The following IGF2BP2 variants were observed in gnomAD, a reference collection of about 807,000 sequenced individuals.
The protein encoded by IGF2BP2 is insulin-like growth factor 2 mRNA-binding protein 2.
Under a neutral mutation model 75.8 loss-of-function variants are expected in IGF2BP2, and 17 were observed. That is an observed-to-expected ratio of 0.22 (90% CI 0.15 to 0.34). IGF2BP2 has a LOEUF of 0.34. Among genes scored for constraint, IGF2BP2 ranks in the 10% least tolerant of loss-of-function variants. The probability of loss-of-function intolerance (pLI) is 1.00; values close to 1 mark genes in which losing one functional copy is unlikely to be tolerated. For missense variants in IGF2BP2, 516 were observed against 772.4 expected (o/e 0.67, Z 3.93); for synonymous variants, 288 against 295.6 (o/e 0.97, Z 0.26).
chr3:185,709,158 TG>T (rs1408757354), intron 2 of IGF2BP2, among the ~76,000 whole-genome samples: 1 of 152,246 alleles, frequency 6.6e-6, no homozygotes, highest in Admixed American at 6.5e-5. Flanking sequence ...AGTATATAAA[TG>T]TTTGCTTTGT....
chr3:185,659,669 C>T (rs1171924165), intron 10 of IGF2BP2, among the ~76,000 whole-genome samples: 1 of 151,994 alleles, frequency 6.6e-6, no homozygotes, highest in Non-Finnish European at 1.5e-5. Context: ...AGCCACTGCA[C>T]CCTGCCAAGT....
chr3:185,657,415 G>C lies in IGF2BP2; in HGVS notation c.1270-13C>G. The C allele has an allele frequency of 6.3e-7, 1 of 1,589,854 alleles. No homozygotes were observed. Among genetic ancestry groups the C allele is most frequent in the Non-Finnish European group, 8.6e-7 (1 of 1,159,364 alleles). Reference sequence around the variant, plus strand: ...CCTGCTCTGGATACTGGGAGGGCGAGACAAGAAAGAAGACATCATTCCAAC... The same window carrying C: ...CCTGCTCTGGATACTGGGAGGGCGACACAAGAAAGAAGACATCATTCCAAC... On this transcript the variant is annotated splice_polypyrimidine_tract_variant and intron_variant, in intron 11 of 15. Coordinates refer to ENST00000382199, the MANE Select transcript of IGF2BP2 (RefSeq NM_006548.6).
intron 9 of IGF2BP2, among the ~76,000 whole-genome samples, chr3:185,674,081 G>C (rs754964845): frequency 6.6e-6 from 1 of 152,192 alleles, no homozygotes; most frequent in Non-Finnish European, 1.5e-5. Context: ...GTGGGGGTCG[G>C]GGTGAGATGG....
intron 2 of IGF2BP2, among the ~76,000 whole-genome samples, chr3:185,708,867 G>T (rs1257910344): frequency 6.6e-6 from 1 of 152,204 alleles, no homozygotes; most frequent in Non-Finnish European, 1.5e-5. Flanking sequence ...AGGCTGAGTT[G>T]TTATGAGCCA....
rs1183649557 is a variant in IGF2BP2 at position 185,692,759 on chromosome 3, T to C, written c.344A>G (p.Asn115Ser). 8 of 1,613,910 alleles carry C rather than the reference T, an allele frequency of 5.0e-6. No individual in the cohort carries two copies. Among genetic ancestry groups the C allele is most frequent in the South Asian group, 3.3e-5 (3 of 91,038 alleles). The change falls in exon 5 of 16, where the codon AAC becomes AGC. Residue 115 changes from asparagine (N) to serine (S), a missense_variant. By Grantham distance (46) the Asn-to-Ser change is conservative (BLOSUM62 1). This residue lies in a region of IGF2BP2 where 312 missense variants were observed against 474.5 expected (regional missense o/e 0.66). Coordinates refer to ENST00000382199, the MANE Select transcript of IGF2BP2 (RefSeq NM_006548.6). Reference protein sequence around the residue: ...YGTVENVEQVNTDTETAVVNV... With the variant: ...YGTVENVEQVSTDTETAVVNV... ...GACAACGGCGGTTTCTGTGTCTGTGTTGACTAGGGAAAAGGCAAAAACTAC... is the reference window on the plus strand; with the variant it reads ...GACAACGGCGGTTTCTGTGTCTGTGCTGACTAGGGAAAAGGCAAAAACTAC...
chr3:185,786,120 C>T (rs1395109733), intron 2 of IGF2BP2, among the ~76,000 whole-genome samples: 3 of 151,878 alleles, frequency 2.0e-5, no homozygotes, highest in Admixed American at 1.3e-4. Flanking sequence ...CCACCCACTA[C>T]CCCCGCCAAG....
chr3:185,701,447 T>G (rs1007219120), intron 2 of IGF2BP2, among the ~76,000 whole-genome samples: 1 of 152,102 alleles, frequency 6.6e-6, no homozygotes, highest in East Asian at 1.9e-4. Context: ...CTAGGTATTC[T>G]TGAAATCTTA....
chr3:185,737,300 T>G (rs1728983786), intron 2 of IGF2BP2, among the ~76,000 whole-genome samples: 1 of 152,300 alleles, frequency 6.6e-6, no homozygotes, highest in South Asian at 2.1e-4. Context: ...ATGTACACCC[T>G]CCCTTAATAA....
At chr3:185,805,841 G>A (rs1270900965) in intron 2 of IGF2BP2, among the ~76,000 whole-genome samples, 2 of 149,118 alleles carry the variant, frequency 1.3e-5, no homozygotes, top group African/African-American at 2.5e-5. Flanking sequence ...GCGTGATCTC[G>A]GCTCACTGCA....
intron 2 of IGF2BP2, among the ~76,000 whole-genome samples, chr3:185,747,365 A>C (rs1282597761): frequency 6.6e-6 from 1 of 152,134 alleles, no homozygotes; most frequent in Non-Finnish European, 1.5e-5. Context: ...TAGGGTCTAG[A>C]TGGTCTGTTA....
At chr3:185,722,826 CATAT>C (rs1007342355) in intron 2 of IGF2BP2, among the ~76,000 whole-genome samples, 1 of 152,078 alleles carries the variant, frequency 6.6e-6, no homozygotes, top group Non-Finnish European at 1.5e-5. Flanking sequence ...ACACAGTACA[CATAT>C]ATATGTGCTA....
At chr3:185,672,320 A>G (rs914820138) in intron 10 of IGF2BP2, among the ~76,000 whole-genome samples, 3 of 152,198 alleles carry the variant, frequency 2.0e-5, no homozygotes, top group African/African-American at 7.2e-5. Flanking sequence ...TAGTTATGAC[A>G]TACTATATTT....
At chr3:185,740,004 C>CA (rs1356731706) in intron 2 of IGF2BP2, among the ~76,000 whole-genome samples, 1 of 151,756 alleles carries the variant, frequency 6.6e-6, no homozygotes, top group African/African-American at 2.4e-5. Flanking sequence ...TACAGGCGTA[C>CA]ACCACCATAC....
At chr3:185,786,074 C>G (rs974977436) in intron 2 of IGF2BP2, among the ~76,000 whole-genome samples, 1 of 140,700 alleles carries the variant, frequency 7.1e-6, no homozygotes, top group Non-Finnish European at 1.5e-5. Context: ...CCCTAATGAG[C>G]TAATTAAACT....
At chr3:185,754,570 G>A (rs1017781044) in intron 2 of IGF2BP2, among the ~76,000 whole-genome samples, 2 of 152,200 alleles carry the variant, frequency 1.3e-5, no homozygotes, top group Non-Finnish European at 1.5e-5. Flanking sequence ...TGGAGGCTCA[G>A]AAGAAGACAT....
At chr3:185,807,340 T>C (rs1254452390) in intron 2 of IGF2BP2, among the ~76,000 whole-genome samples, 1 of 152,230 alleles carries the variant, frequency 6.6e-6, no homozygotes, top group East Asian at 1.9e-4. Context: ...ATTTAGGCCT[T>C]AGTTCTCTAA....
intron 10 of IGF2BP2, among the ~76,000 whole-genome samples, chr3:185,660,321 C>T (rs143943058): frequency 2.0e-3 from 305 of 152,338 alleles, no homozygotes; most frequent in Non-Finnish European, 2.9e-3. Flanking sequence ...GGTGACCCAG[C>T]TTTCACTTGA....
At chr3:185,800,718 A>AAAAGAAAGAAAGAAAG (rs1553893939) in intron 2 of IGF2BP2, among the ~76,000 whole-genome samples, 16 of 143,376 alleles carry the variant, frequency 1.1e-4, no homozygotes, top group African/African-American at 1.6e-4. Flanking sequence ...GAGCCAAAAA[A>AAAAGAAAGAAAGAAAG]AAAGAAAGAA....
intron 2 of IGF2BP2, among the ~76,000 whole-genome samples, chr3:185,810,969 C>T (rs1331447136): frequency 6.6e-6 from 1 of 151,830 alleles, no homozygotes; most frequent in Non-Finnish European, 1.5e-5. Flanking sequence ...ACCTGCTCCT[C>T]CAATTATATG....
Sources: allele counts gnomAD v4.1 joint callset (sites outside exome capture counted in the v4.1 genomes callset), GRCh38; gene constraint gnomAD v4.1.1; regional missense constraint gnomAD v4.1.1; transcripts MANE v1.5; gene names NCBI Gene and HGNC (gene_info 2026-07-23, HGNC 2026-07-21).